PIK3C2G: variants seen among roughly 807,000 people sequenced by gnomAD.
PIK3C2G encodes the protein phosphatidylinositol 3-kinase C2 domain-containing subunit gamma.
PIK3C2G carries 168 observed loss-of-function variants against 181.1 expected under a neutral mutation model. The observed-to-expected ratio is 0.93, with a 90% CI of 0.82 to 1.05. PIK3C2G has a LOEUF of 1.05. PIK3C2G is among the 50% of genes least tolerant of loss of function. The pLI, the probability that PIK3C2G is intolerant of heterozygous loss-of-function variation, is 0.00. For missense variants in PIK3C2G, 1,869 were observed against 1,732.8 expected (o/e 1.08, Z -1.40); for synonymous variants, 573 against 592.2 (o/e 0.97, Z 0.47).
intron 26 of PIK3C2G, among the ~76,000 whole-genome samples, chr12:18,550,632 A>G (rs930671654): frequency 1.3e-5 from 2 of 152,098 alleles, no homozygotes; most frequent in Admixed American, 1.3e-4. Context: ...TATACATATA[A>G]TATGAGCCCC....
chr12:18,570,813 T>G (rs1291145586), intron 29 of PIK3C2G, among the ~76,000 whole-genome samples: 1 of 150,574 alleles, frequency 6.6e-6, no homozygotes, highest in Non-Finnish European at 1.5e-5. Context: ...CAGGAGGTAG[T>G]TGTATAAGAA....
chr12:18,693,113 G>A, the PIK3C2G span: 211,034 of 1,520,528 alleles, frequency 0.14, 15,881 homozygotes, highest in Middle Eastern at 0.18. Flanking sequence ...TAGGAATCTT[G>A]GAAGAGATCA....
At chr12:18,689,992 T>C in the PIK3C2G span, among the ~76,000 whole-genome samples, 1 of 152,136 alleles carries the variant, frequency 6.6e-6, no homozygotes, top group African/African-American at 2.4e-5. Context: ...CCATGCCAGT[T>C]ACACCTCAAC....
chr12:18,296,145 T>A (rs1318119509), intron 5 of PIK3C2G, among the ~76,000 whole-genome samples: 1 of 152,144 alleles, frequency 6.6e-6, no homozygotes, highest in African/African-American at 2.4e-5. Context: ...TATATTGCTA[T>A]ATTAGTTAAG....
intron 14 of PIK3C2G, among the ~76,000 whole-genome samples, chr12:18,387,780 A>G (rs1418720271): frequency 6.6e-6 from 1 of 152,214 alleles, no homozygotes; most frequent in Non-Finnish European, 1.5e-5. Flanking sequence ...ACAAACATCT[A>G]GCACAGTAGT....
intron 24 of PIK3C2G, among the ~76,000 whole-genome samples, chr12:18,517,596 T>C (rs1335095178): frequency 6.6e-6 from 1 of 152,174 alleles, no homozygotes; most frequent in Non-Finnish European, 1.5e-5. Flanking sequence ...TCCTGAGACT[T>C]TGCTGAAGTT....
the PIK3C2G span, chr12:18,713,631 T>C: frequency 1.3e-5 from 2 of 152,406 alleles, no homozygotes; most frequent in Non-Finnish European, 2.9e-5. Context: ...TTAATCCAAG[T>C]AAGCACTAGA....
At chr12:18,546,619 G>C (rs1019660618) in intron 26 of PIK3C2G, among the ~76,000 whole-genome samples, 187 bp downstream of exon 26, 1 of 152,026 alleles carries the variant, frequency 6.6e-6, no homozygotes, top group Non-Finnish European at 1.5e-5. Context: ...GCCTTAGTCA[G>C]TGTTTCTGCA....
At chr12:18,384,681 T>G (rs1943057190) in intron 14 of PIK3C2G, among the ~76,000 whole-genome samples, 1 of 152,160 alleles carries the variant, frequency 6.6e-6, no homozygotes, top group Non-Finnish European at 1.5e-5. Context: ...ACATAGATTT[T>G]AGCAAGTGGA....
chr12:18,247,356 T>A (rs1948050912), upstream of PIK3C2G, among the ~76,000 whole-genome samples: 1 of 152,050 alleles, frequency 6.6e-6, no homozygotes, highest in South Asian at 2.1e-4. Flanking sequence ...TTATCTGGGG[T>A]ATGTGCCCTG....
chr12:18,618,781 A>G (rs952535200), intron 31 of PIK3C2G, among the ~76,000 whole-genome samples: 1 of 152,208 alleles, frequency 6.6e-6, no homozygotes, highest in Non-Finnish European at 1.5e-5. Context: ...AAACAAATGT[A>G]CATTTAAAGA....
At chr12:18,547,571 G>C (rs1043733824) in intron 26 of PIK3C2G, among the ~76,000 whole-genome samples, 2 of 151,944 alleles carry the variant, frequency 1.3e-5, no homozygotes, top group Non-Finnish European at 2.9e-5. Flanking sequence ...GGTCCCTCTA[G>C]TCCTGGGTTT....
chr12:18,316,438 GT>G (rs1314438675), intron 6 of PIK3C2G, among the ~76,000 whole-genome samples: 1 of 152,096 alleles, frequency 6.6e-6, no homozygotes, highest in African/African-American at 2.4e-5. Context: ...AGAAATGCCA[GT>G]TTTTTAATAT....
chr12:18,610,553 T>C (rs557844750), intron 31 of PIK3C2G, among the ~76,000 whole-genome samples: 1 of 152,264 alleles, frequency 6.6e-6, no homozygotes, highest in East Asian at 1.9e-4. Context: ...AAACCTCTGG[T>C]GCTCACTATC....
intron 32 of PIK3C2G, among the ~76,000 whole-genome samples, chr12:18,641,996 G>A (rs950602716): frequency 7.2e-5 from 11 of 151,950 alleles, no homozygotes; most frequent in African/African-American, 1.4e-4. Flanking sequence ...GTGATCCACC[G>A]CCTCAGCCTC....
intron 18 of PIK3C2G, among the ~76,000 whole-genome samples, chr12:18,486,869 G>A (rs767294707): frequency 6.6e-5 from 10 of 152,156 alleles, no homozygotes; most frequent in Non-Finnish European, 1.3e-4. Flanking sequence ...CTTTACAAGT[G>A]CATGCCTGCA....
chr12:18,615,736 C>T (rs1365720259), intron 31 of PIK3C2G, among the ~76,000 whole-genome samples: 1 of 151,968 alleles, frequency 6.6e-6, no homozygotes, highest in Non-Finnish European at 1.5e-5. Context: ...TCAACAGTCT[C>T]CATTGATTCA....
At chr12:18,355,384 T>A (rs1293260310) in intron 11 of PIK3C2G, among the ~76,000 whole-genome samples, 1 of 152,122 alleles carries the variant, frequency 6.6e-6, no homozygotes, top group Non-Finnish European at 1.5e-5. Context: ...ACAAAAATAG[T>A]TTAAAAGGCA....
At chr12:18,715,520 G>A in the PIK3C2G span, among the ~76,000 whole-genome samples, 2 of 151,802 alleles carry the variant, frequency 1.3e-5, no homozygotes, top group African/African-American at 4.8e-5. Flanking sequence ...TCCTGCCTCA[G>A]CCCCCTGAGT....
Sources: allele counts gnomAD v4.1 joint callset (sites outside exome capture counted in the v4.1 genomes callset), GRCh38; gene constraint gnomAD v4.1.1; transcripts MANE v1.5; gene names NCBI Gene and HGNC (gene_info 2026-07-23, HGNC 2026-07-21).